EHBP1: variants seen among roughly 807,000 people sequenced by gnomAD.
EHBP1 encodes EH domain binding protein 1.
A neutral mutation model predicts 144.0 loss-of-function variants in EHBP1; 55 were observed. That is an observed-to-expected ratio of 0.38 (90% confidence interval 0.31 to 0.48). The LOEUF is 0.48. Among genes scored for constraint, EHBP1 ranks in the 20% least tolerant of loss-of-function variants. The pLI, the probability that EHBP1 is intolerant of heterozygous loss-of-function variation, is 0.98. For synonymous variants in EHBP1, 469 were observed against 472.7 expected, an observed-to-expected ratio of 0.99 and a Z score of 0.10; for missense variants, 1,200 against 1,364.2, an observed-to-expected ratio of 0.88 and a Z score of 1.90.
At chr2:62,875,068 G>T (rs1235594060) in intron 10 of EHBP1, among the ~76,000 whole-genome samples, 2 of 152,028 alleles carry the variant, frequency 1.3e-5, no homozygotes, top group Non-Finnish European at 2.9e-5. Flanking sequence ...CTGCCACCCT[G>T]CCCCTGCCAG....
chr2:62,802,651 G>A (rs970892289), intron 5 of EHBP1, among the ~76,000 whole-genome samples: 8 of 151,018 alleles, frequency 5.3e-5, no homozygotes, highest in Non-Finnish European at 5.9e-5. Flanking sequence ...CATTTAAAAT[G>A]ATATTACACA....
intron 10 of EHBP1, among the ~76,000 whole-genome samples, chr2:62,927,484 T>C (rs1178031336): frequency 3.3e-5 from 5 of 152,166 alleles, no homozygotes. Context: ...TAAACAATTA[T>C]TATTTGTCAA....
At chr2:62,766,987 A>G (rs569218029) in intron 4 of EHBP1, among the ~76,000 whole-genome samples, 4 of 146,626 alleles carry the variant, frequency 2.7e-5, no homozygotes, top group Admixed American at 2.1e-4. Flanking sequence ...AAAAGGTTGC[A>G]TTTGGTTGTA....
intron 5 of EHBP1, among the ~76,000 whole-genome samples, chr2:62,806,554 G>A (rs921879223): frequency 2.0e-5 from 3 of 151,760 alleles, no homozygotes; most frequent in South Asian, 2.1e-4. Flanking sequence ...CATAGAGAGG[G>A]TATCTCTGTA....
chr2:62,942,716 A>AGCCAAGCCCTAT lies in EHBP1; in HGVS notation c.1186-1_1196dup. The AGCCAAGCCCTAT allele has an allele frequency of 6.4e-7, 1 of 1,566,204 alleles. No individual in the cohort carries two copies. ...TGTTTTCCCCTTTTCATTTTTTTCT[A>AGCCAAGCCCTAT]GCCAAGCCCTATACCAAGTCCTGTT... On this transcript the variant is annotated splice_acceptor_variant, in intron 10 of 22. Transcript: ENST00000431489. LOFTEE classifies it high-confidence loss of function.
At position 62,996,764 on chromosome 2, in the gene EHBP1, C is replaced by G. The variant is rs2059644543; in HGVS notation, c.3101C>G (p.Thr1034Arg). The G allele has an allele frequency of 6.2e-7, 1 of 1,611,888 alleles. No individual in the cohort carries two copies. Among genetic ancestry groups the G allele is most frequent in the Non-Finnish European group, 8.5e-7 (1 of 1,179,156 alleles). ...AAGCGCCTTCGCTATCTCATGGACA[C>G]AGGTACGGTGCCCAATTACACTGTA... is the stretch of plus-strand genomic sequence containing the variant. ...VEKRLRYLMD[T>R]GRNTEEEEAM... The change falls in exon 19 of 23, where the codon ACA becomes AGA. Residue 1034 changes from threonine (T) to arginine (R), a missense_variant and splice_region_variant. By Grantham distance (71) the Thr-to-Arg change is moderately conservative. This residue lies in a region of EHBP1 where 149 missense variants were observed against 217.0 expected (regional missense o/e 0.69). Coordinates refer to ENST00000431489, the MANE Select transcript of EHBP1 (RefSeq NM_001142616.3).
At chr2:62,863,213 A>C (rs1413875417) in intron 8 of EHBP1, among the ~76,000 whole-genome samples, 2 of 152,010 alleles carry the variant, frequency 1.3e-5, no homozygotes, top group Admixed American at 1.3e-4. Context: ...TGAACTGGGG[A>C]GGCGGAGGTT....
intron 6 of EHBP1, among the ~76,000 whole-genome samples, chr2:62,828,980 T>C (rs1215464597): frequency 2.6e-5 from 4 of 151,602 alleles, no homozygotes; most frequent in African/African-American, 9.7e-5. Flanking sequence ...TAGCTGGGCA[T>C]TGTGCTCTAC....
chr2:62,918,766 G>C (rs1473717627), intron 10 of EHBP1, among the ~76,000 whole-genome samples: 2 of 152,128 alleles, frequency 1.3e-5, no homozygotes, highest in Admixed American at 6.5e-5. Flanking sequence ...TACGATAGTG[G>C]TTCTCAAACT....
intron 7 of EHBP1, among the ~76,000 whole-genome samples, chr2:62,835,276 A>T (rs1451539851): frequency 1.3e-5 from 2 of 151,916 alleles, no homozygotes; most frequent in Non-Finnish European, 2.9e-5. Flanking sequence ...TTATACTTTT[A>T]TTTTGGGGCT....
At chr2:62,966,773 A>C (rs1429710964) in intron 14 of EHBP1, among the ~76,000 whole-genome samples, 1 of 152,186 alleles carries the variant, frequency 6.6e-6, no homozygotes, top group East Asian at 1.9e-4. Context: ...AAATGATATA[A>C]TATCCTAATT....
chr2:62,930,072 C>G (rs2710643), intron 10 of EHBP1, among the ~76,000 whole-genome samples: 4,675 of 152,086 alleles, frequency 0.031, 99 homozygotes, highest in Non-Finnish European at 0.047. Flanking sequence ...CATGGCGAAA[C>G]CCCCATCTCT....
chr2:62,690,075 C>G (rs1457732101), intron 1 of EHBP1, among the ~76,000 whole-genome samples: 1 of 152,136 alleles, frequency 6.6e-6, no homozygotes, highest in Non-Finnish European at 1.5e-5. Context: ...TCAGGCAGAC[C>G]TGCTGAAGAG....
intron 10 of EHBP1, among the ~76,000 whole-genome samples, chr2:62,911,906 A>AT (rs1312163577): frequency 1.3e-5 from 2 of 152,142 alleles, no homozygotes; most frequent in African/African-American, 2.4e-5. Flanking sequence ...ATTTATGGAG[A>AT]TTTTTCAATG....
chr2:62,980,997 G>C lies in EHBP1; in HGVS notation c.2608+1662G>C, dbSNP rs1277891654. On this transcript the variant is annotated intron_variant, in intron 15 of 22. Transcript: ENST00000431489. ...GAATCGGGAGGATCACTTGAGTTCA[G>C]GAAGTTGAGGCTGCAGTGAGCTTGA... Among the ~76,000 whole-genome samples the C allele has an allele frequency of 5.4e-5, 8 of 148,788 alleles. No homozygotes were observed. The Admixed American group carries it at 5.4e-4, about 10-fold the overall frequency.
intron 16 of EHBP1, among the ~76,000 whole-genome samples, chr2:62,992,091 C>T (rs1025585065): frequency 6.6e-6 from 1 of 152,082 alleles, no homozygotes; most frequent in Non-Finnish European, 1.5e-5. Context: ...TGTAAAGTGG[C>T]AGAAGTCCCT....
intron 7 of EHBP1, among the ~76,000 whole-genome samples, chr2:62,843,771 T>C (rs1224849400): frequency 6.6e-6 from 1 of 152,212 alleles, no homozygotes; most frequent in Non-Finnish European, 1.5e-5. Flanking sequence ...TATTGAAATT[T>C]AATGCATTAA....
intron 5 of EHBP1, among the ~76,000 whole-genome samples, chr2:62,805,811 C>A (rs553334225): frequency 6.6e-6 from 1 of 152,082 alleles, no homozygotes; most frequent in African/African-American, 2.4e-5. Flanking sequence ...ACCACTGCAC[C>A]CAGACTGTAT....
At chr2:62,876,008 T>C (rs960296030) in intron 10 of EHBP1, among the ~76,000 whole-genome samples, 7 of 152,174 alleles carry the variant, frequency 4.6e-5, no homozygotes, top group African/African-American at 1.2e-4. Context: ...CTACTACTCA[T>C]TGGCATCCCT....
Sources: gnomAD v4.1 joint callset for allele counts (sites outside exome capture counted in the v4.1 genomes callset) on GRCh38, gnomAD v4.1.1 for gene constraint, gnomAD v4.1.1 regional missense constraint, MANE v1.5 for transcripts, NCBI Gene and HGNC (gene_info 2026-07-23, HGNC 2026-07-21) for gene names.